Variants in PRKD1 observed in about 807,000 individuals in gnomAD.
The protein encoded by PRKD1 is serine/threonine-protein kinase D1.
In PRKD1, 63 loss-of-function variants were observed where a neutral mutation model predicts 95.9. The observed-to-expected ratio is 0.66, with a 90% CI of 0.54 to 0.81. The LOEUF is 0.81. Ranked by LOEUF, PRKD1 falls within the 30% of genes least tolerant of loss-of-function variation. The pLI, the probability that PRKD1 is intolerant of heterozygous loss-of-function variation, is 0.00. For missense variants in PRKD1, 1,048 were observed against 1,165.3 expected, an observed-to-expected ratio of 0.90 and a Z score of 1.47; for synonymous variants, 425 against 423.1, an observed-to-expected ratio of 1.00 and a Z score of -0.05.
chr14:29,690,301 TTGTC>T (rs1382483253), intron 2 of PRKD1, among the ~76,000 whole-genome samples: 2 of 152,304 alleles, frequency 1.3e-5, no homozygotes, highest in East Asian at 1.9e-4. Context: ...ACCACACAGT[TTGTC>T]TGTTCATTTC....
intron 2 of PRKD1, among the ~76,000 whole-genome samples, chr14:29,671,631 A>C (rs796873832): frequency 2.1e-4 from 32 of 152,302 alleles, no homozygotes; most frequent in African/African-American, 7.0e-4. Context: ...GTAACATATC[A>C]AGAAGAAAAC....
At chr14:29,604,507 T>C (rs1353513186) in intron 13 of PRKD1, among the ~76,000 whole-genome samples, 1 of 152,102 alleles carries the variant, frequency 6.6e-6, no homozygotes, top group Non-Finnish European at 1.5e-5. Flanking sequence ...CTAAATGGTA[T>C]GCAGATCAGA....
In PRKD1 at chr14:29,599,672, T is replaced by A; in HGVS notation, c.2051A>T (p.Lys684Met). 1 of 1,610,976 alleles carries A rather than the reference T, an allele frequency of 6.2e-7. No individual in the cohort carries two copies. Among genetic ancestry groups the A allele is most frequent in the Non-Finnish European group, 8.5e-7 (1 of 1,179,134 alleles). Residue 684 changes from lysine to methionine, a missense_variant, in exon 14 of 18, where the codon AAG (lysine) becomes ATG (methionine). Lys to Met is a moderately conservative substitution (Grantham distance 95). Coordinates refer to ENST00000331968, the MANE Select transcript of PRKD1 (RefSeq NM_002742.3). ...EKGRLPEHIT[K>M]FLITQILVAL... ...ATTTCTTACCTGAGTAATTAAAAAC[T>A]TCGTTATGTGCTCTGGCAACCTGCC...
intron 2 of PRKD1, among the ~76,000 whole-genome samples, chr14:29,674,891 T>C (rs1472893342): frequency 2.6e-5 from 4 of 152,250 alleles, no homozygotes; most frequent in Non-Finnish European, 4.4e-5. Context: ...AGGTTCTATG[T>C]GCTTTACTTC....
intron 1 of PRKD1, among the ~76,000 whole-genome samples, chr14:29,766,259 C>A (rs1249176286): frequency 2.6e-5 from 4 of 152,144 alleles, no homozygotes; most frequent in African/African-American, 9.7e-5. Flanking sequence ...AAGAAACCCT[C>A]TCCTTTGCCC....
intron 1 of PRKD1, among the ~76,000 whole-genome samples, chr14:29,804,102 C>G (rs1225981726): frequency 1.3e-5 from 2 of 151,954 alleles, no homozygotes; most frequent in Non-Finnish European, 2.9e-5. Flanking sequence ...ATTAGCCGGG[C>G]ATGGTGGTTG....
intron 2 of PRKD1, among the ~76,000 whole-genome samples, chr14:29,707,590 A>G (rs963283639): frequency 6.6e-6 from 1 of 152,174 alleles, no homozygotes; most frequent in African/African-American, 2.4e-5. Context: ...TATGATATAT[A>G]TCTGTAAGTC....
rs1372515081 is a variant in PRKD1, at chr14:29,826,744, CACATATATATAT to C, written c.264+100493_264+100504del. 3.3e-4 allele frequency among the ~76,000 whole-genome samples: 12 copies of C among 36,306 alleles called. 1 individual carries two copies. The highest frequency in any genetic ancestry group is 4.2e-4 in the African/African-American group (4 of 9,480). 23.8% of individuals were successfully genotyped at this position (36,306 alleles called of 152,430 possible). A position where few individuals can be genotyped will look rare whatever the true frequency, so the allele number is the denominator to read the frequency against. On this transcript the variant is annotated intron_variant, in intron 1 of 17. Coordinates refer to ENST00000331968, the MANE Select transcript of PRKD1 (RefSeq NM_002742.3). Reference sequence around the variant, plus strand: ...ATACATATATATACACATATATATACACATATATATATACATATATATATACACATATATATA... The same window carrying C: ...ATACATATATATACACATATATATACACATATATATATACACATATATATA...
intron 16 of PRKD1, among the ~76,000 whole-genome samples, chr14:29,592,074 G>A (rs557464669): frequency 1.3e-5 from 2 of 152,128 alleles, no homozygotes; most frequent in East Asian, 3.9e-4. Flanking sequence ...TCAAGGAACC[G>A]AGAAGGGTAA....
intron 1 of PRKD1, among the ~76,000 whole-genome samples, chr14:29,834,171 A>G (rs936466117): frequency 5.9e-5 from 9 of 152,298 alleles, no homozygotes; most frequent in African/African-American, 2.2e-4. Flanking sequence ...TAAAAACACT[A>G]TTGAGTTTTA....
chr14:29,629,979 TTCC>T (rs907101537), intron 10 of PRKD1, among the ~76,000 whole-genome samples: 36 of 102,722 alleles, frequency 3.5e-4, no homozygotes, highest in African/African-American at 7.9e-4. Flanking sequence ...CCTTTTCCTC[TTCC>T]TCCTCCTCTT....
At chr14:29,748,395 T>C (rs1321215803) in intron 1 of PRKD1, among the ~76,000 whole-genome samples, 8 of 152,192 alleles carry the variant, frequency 5.3e-5, no homozygotes, top group South Asian at 2.1e-4. Context: ...TGGTTCAAAA[T>C]TGCAGATGAA....
At chr14:29,798,257 C>T (rs532764525) in intron 1 of PRKD1, among the ~76,000 whole-genome samples, 2 of 152,266 alleles carry the variant, frequency 1.3e-5, no homozygotes, top group East Asian at 3.9e-4. Context: ...TGCAGTTCCA[C>T]GCAGTTCCAC....
In PRKD1 at chr14:29,688,208, C is replaced by T. The variant is rs544980731; in HGVS notation, c.404-22000G>A. Reference sequence around the variant, plus strand: ...CCCTATGGTCCCTCTGATTCTCTCTCTTCTGCCTCCTGCCTCCACATTTAA... The same window carrying T: ...CCCTATGGTCCCTCTGATTCTCTCTTTTCTGCCTCCTGCCTCCACATTTAA... On this transcript the variant is annotated intron_variant, in intron 2 of 17. Transcript: ENST00000331968. 7.9e-5 allele frequency among the ~76,000 whole-genome samples: 12 copies of T among 152,340 alleles called. No individual in the cohort carries two copies. The South Asian group carries it at 2.5e-3, about 32-fold the overall frequency.
At position 29,733,335 on chromosome 14, in the gene PRKD1, C is replaced by T. The variant is rs1176802745; in HGVS notation, c.265-7661G>A. 2.0e-5 allele frequency among the ~76,000 whole-genome samples: 3 copies of T among 152,000 alleles called. No homozygotes were observed. In the East Asian group the frequency reaches 5.8e-4, roughly 29 times the overall value. On this transcript the variant is annotated intron_variant, in intron 1 of 17. Transcript: ENST00000331968. Reference sequence around the variant, plus strand: ...GCCAGGATGATCTCCATCTCCTGGCCTCGTGATCCACCCACCTCGGCCTCC... The same window carrying T: ...GCCAGGATGATCTCCATCTCCTGGCTTCGTGATCCACCCACCTCGGCCTCC...
At chr14:29,588,790 T>TTGTGTGTG (rs34773417) in intron 16 of PRKD1, among the ~76,000 whole-genome samples, 42 of 145,428 alleles carry the variant, frequency 2.9e-4, no homozygotes, top group South Asian at 6.9e-4. Context: ...ATTCCTAAAG[T>TTGTGTGTG]TGTGTGTGTG....
chr14:29,920,030 AAG>A (rs1895039160), intron 1 of PRKD1, among the ~76,000 whole-genome samples: 1 of 134,072 alleles, frequency 7.5e-6, no homozygotes, highest in South Asian at 2.6e-4. Flanking sequence ...GGAAGGAAGG[AAG>A]GAAGGAAGGA....
chr14:29,923,105 C>G lies in PRKD1; in HGVS notation c.264+4144G>C, dbSNP rs528383118. On this transcript the variant is annotated intron_variant, in intron 1 of 17. Transcript: ENST00000331968. ...AATTAGCCAGGCATGGTCACCCATACCTGTAGACCCAGCTACTCAAGGGGC... is the reference window on the plus strand; with the variant it reads ...AATTAGCCAGGCATGGTCACCCATAGCTGTAGACCCAGCTACTCAAGGGGC... Among the ~76,000 whole-genome samples, 23 of 151,806 alleles carry G rather than the reference C, an allele frequency of 1.5e-4. 1 individual carries two copies. In the South Asian group the frequency reaches 4.8e-3, roughly 32 times the overall value.
At position 29,725,574 on chromosome 14, in the gene PRKD1, T is replaced by C; in HGVS notation, c.365A>G (p.Asp122Gly). The C allele has an allele frequency of 1.9e-6, 3 of 1,613,798 alleles. No homozygotes were observed. Among genetic ancestry groups the C allele is most frequent in the Non-Finnish European group, 2.5e-6 (3 of 1,179,778 alleles). ...TTCAATAAGATCGCCTTCCTGGATATCACTGGCCGCTTTCACCAGCTGAAG... is the reference window on the plus strand; with the variant it reads ...TTCAATAAGATCGCCTTCCTGGATACCACTGGCCGCTTTCACCAGCTGAAG... ...NILQLVKAAS[D>G]IQEGDLIEVV... Residue 122 changes from aspartate (D) to glycine (G), a missense_variant, in exon 2 of 18, where the codon GAT becomes GGT. Physicochemically the swap from Asp to Gly is moderately conservative, Grantham distance 94 (BLOSUM62 -1). Transcript: ENST00000331968.
Sources: allele counts gnomAD v4.1 joint callset (sites outside exome capture counted in the v4.1 genomes callset), GRCh38; gene constraint gnomAD v4.1.1; transcripts MANE v1.5; gene names NCBI Gene and HGNC (gene_info 2026-07-23, HGNC 2026-07-21).